Variants in CA5A observed in about 807,000 individuals in gnomAD.
CA5A encodes carbonic anhydrase 5A.
In CA5A, 28 loss-of-function variants were observed where a neutral mutation model predicts 37.1. The ratio of observed to expected loss-of-function variants is 0.75; its 90% confidence interval spans 0.56 to 1.03. The LOEUF is 1.03. Ranked by LOEUF, CA5A falls within the 50% of genes least tolerant of loss-of-function variation. The pLI, the probability that CA5A is intolerant of heterozygous loss-of-function variation, is 0.00. For synonymous variants in CA5A, 171 were observed against 158.4 expected (o/e 1.08, Z -0.60); for missense variants, 444 against 399.9 (o/e 1.11, Z -0.94).
chr16:87,915,250 T>A (rs1286050298), intron 2 of CA5A, among the ~76,000 whole-genome samples: 1 of 152,192 alleles, frequency 6.6e-6, no homozygotes, highest in African/African-American at 2.4e-5. Flanking sequence ...CCAAACTCCC[T>A]CAGAGTCACG....
rs1368927809 is a variant in CA5A, at chr16:87,932,164, C to T, written c.142+4145G>A. ...CCTCACAAATCTCCCTTGCATCCAA[C>T]GGGAAGCAGGATTGAGTGCACTCTA... On this transcript the variant is annotated intron_variant, in intron 1 of 6. Transcript: ENST00000649794. Among the ~76,000 whole-genome samples, 9 of 152,202 alleles carry T rather than the reference C, an allele frequency of 5.9e-5. No homozygotes were observed. The East Asian group carries it at 7.7e-4, about 13-fold the overall frequency.
chr16:87,914,879 G>A (rs1041546850), intron 2 of CA5A, among the ~76,000 whole-genome samples: 1 of 152,202 alleles, frequency 6.6e-6, no homozygotes, highest in African/African-American at 2.4e-5. Flanking sequence ...GAGAAGTGCA[G>A]CCATGAGCCA....
chr16:87,915,791 G>A (rs1005641112), intron 2 of CA5A, among the ~76,000 whole-genome samples: 1 of 151,302 alleles, frequency 6.6e-6, no homozygotes, highest in African/African-American at 2.4e-5. Context: ...TAACTTTCTG[G>A]CCCCTTCCCA....
intron 1 of CA5A, among the ~76,000 whole-genome samples, chr16:87,931,126 T>G (rs1439647409): frequency 6.6e-6 from 1 of 151,422 alleles, no homozygotes; most frequent in East Asian, 1.9e-4. Flanking sequence ...TTTTTTTTTT[T>G]TTTGAGATTG....
chr16:87,923,959 T>A, intron 2 of CA5A: 1 of 985,084 alleles, frequency 1.0e-6, no homozygotes. Flanking sequence ...CATGAAGAAT[T>A]TTTAAATAAT....
intron 2 of CA5A, among the ~76,000 whole-genome samples, chr16:87,913,116 T>A (rs909364854): frequency 6.6e-6 from 1 of 151,614 alleles, no homozygotes; most frequent in African/African-American, 2.4e-5. Flanking sequence ...GTAGCTGGGA[T>A]TACAGGCAGG....
chr16:87,889,274 T>C (rs1163260164), intron 6 of CA5A, among the ~76,000 whole-genome samples: 1 of 151,868 alleles, frequency 6.6e-6, no homozygotes, highest in African/African-American at 2.4e-5. Context: ...AGGCTGGTCT[T>C]GAACTCCTGA....
At chr16:87,896,275 C>T (rs1160666561) in intron 5 of CA5A, among the ~76,000 whole-genome samples, 1 of 152,186 alleles carries the variant, frequency 6.6e-6, no homozygotes, top group Non-Finnish European at 1.5e-5. Flanking sequence ...TGGCAGGCTC[C>T]AGCCATGCCA....
intron 2 of CA5A, among the ~76,000 whole-genome samples, chr16:87,918,644 C>T (rs1228051811): frequency 6.6e-6 from 1 of 152,210 alleles, no homozygotes; most frequent in Non-Finnish European, 1.5e-5. Flanking sequence ...TGTCCGTGTG[C>T]AGTTCTCTGC....
chr16:87,886,552 C>G (rs944223025), downstream of CA5A: 1 of 151,956 alleles, frequency 6.6e-6, no homozygotes, highest in Non-Finnish European at 1.5e-5. Context: ...TCATGGTTCC[C>G]CATTTGGATA....
intron 1 of CA5A, among the ~76,000 whole-genome samples, chr16:87,935,667 GGAGTTCGAGACCAGCCTGGCC>G (rs995874957): frequency 6.7e-4 from 102 of 152,172 alleles, no homozygotes; most frequent in African/African-American, 2.4e-3. Flanking sequence ...CCTGAGGTCA[GGAGTTCGAGACCAGCCTGGCC>G]AACATGGTGA....
chr16:87,922,131 C>A (rs546004254), intron 2 of CA5A, among the ~76,000 whole-genome samples: 16 of 152,230 alleles, frequency 1.1e-4, no homozygotes, highest in African/African-American at 3.6e-4. Context: ...GCCGGGCCGA[C>A]AGGAGTCTGT....
At chr16:87,927,013 C>T in intron 1 of CA5A, 68 bp from the exon 2 acceptor site, 1 of 1,127,616 alleles carries the variant, frequency 8.9e-7, no homozygotes, top group Non-Finnish European at 1.3e-6. Context: ...ACGGACAGGG[C>T]AGAAACCCGG....
At chr16:87,893,904 C>A (rs749733664) in intron 5 of CA5A, among the ~76,000 whole-genome samples, 9 of 151,884 alleles carry the variant, frequency 5.9e-5, no homozygotes, top group Non-Finnish European at 1.2e-4. Flanking sequence ...TCCCAAGTAG[C>A]TAGGACACCA....
intron 2 of CA5A, among the ~76,000 whole-genome samples, chr16:87,917,695 C>T (rs1258291667): frequency 6.9e-6 from 1 of 144,108 alleles, no homozygotes; most frequent in Non-Finnish European, 1.5e-5. Context: ...CAATGCACAC[C>T]CGCACACGAA....
intron 2 of CA5A, among the ~76,000 whole-genome samples, chr16:87,912,421 C>T (rs1397068899): frequency 6.6e-6 from 1 of 152,220 alleles, no homozygotes; most frequent in African/African-American, 2.4e-5. Context: ...CAAGGTGAGA[C>T]CTGCACGTAA....
chr16:87,923,498 T>C, intron 2 of CA5A: 10 of 975,932 alleles, frequency 1.0e-5, no homozygotes, highest in Non-Finnish European at 1.2e-5. Context: ...TGGCAGTGCT[T>C]TTAAAGGGGG....
At chr16:87,919,163 C>T (rs1372716720) in intron 2 of CA5A, among the ~76,000 whole-genome samples, 3 of 152,192 alleles carry the variant, frequency 2.0e-5, no homozygotes, top group Admixed American at 6.5e-5. Context: ...GAGGCTGACG[C>T]TGGGAGACAG....
At chr16:87,923,393 G>T in intron 2 of CA5A, 1 of 217,972 alleles carries the variant, frequency 4.6e-6, no homozygotes, top group Non-Finnish European at 7.8e-6. Context: ...TCACCATGTT[G>T]GCCAGGCTGA....
Sources: gnomAD v4.1 joint callset for allele counts (sites outside exome capture counted in the v4.1 genomes callset) on GRCh38, gnomAD v4.1.1 for gene constraint, MANE v1.5 for transcripts, NCBI Gene and HGNC (gene_info 2026-07-23, HGNC 2026-07-21) for gene names.